CD72: variants seen among roughly 807,000 people sequenced by gnomAD.
CD72 encodes the protein CD72 molecule.
A neutral mutation model predicts 50.7 loss-of-function variants in CD72; 28 were observed. The observed-to-expected ratio is 0.55, with a 90% CI of 0.41 to 0.76. CD72 has a LOEUF of 0.76. Among genes scored for constraint, CD72 ranks in the 30% least tolerant of loss-of-function variants. The probability of loss-of-function intolerance (pLI) is 0.00; values close to 1 mark genes in which losing one functional copy is unlikely to be tolerated. For missense variants in CD72, 403 were observed against 420.6 expected, an observed-to-expected ratio of 0.96 and a Z score of 0.37; for synonymous variants, 176 against 171.2, an observed-to-expected ratio of 1.03 and a Z score of -0.22.
intron 1 of CD72, among the ~76,000 whole-genome samples, chr9:35,628,082 G>A (rs1298309767): frequency 6.6e-6 from 1 of 151,980 alleles, no homozygotes; most frequent in African/African-American, 2.4e-5. Context: ...CAATCCTCCT[G>A]CCTCAGCCTC....
Position 35,618,056 on chromosome 9 carries a change from C to A in CD72, c.148G>T (p.Val50Leu), listed in dbSNP as rs35185125. 0.013 allele frequency: 20,989 copies of A among 1,613,878 alleles called. 163 individuals carry two copies. Among genetic ancestry groups the A allele is most frequent in the Non-Finnish European group, 0.015 (17,199 of 1,179,782 alleles). The part of the protein sequence containing the change: ...ENVQVPAVLG[V>L]PSSLASSVLG... ...ACAGAAGAAGCCAAGCTTGAGGGCACCCCTAGGACTGCGGGCACTTGAACA... is the reference window on the plus strand; with the variant it reads ...ACAGAAGAAGCCAAGCTTGAGGGCAACCCTAGGACTGCGGGCACTTGAACA... The change falls in exon 2 of 9, where the codon GTG (valine) becomes TTG (leucine). Residue 50 changes from valine to leucine, a missense_variant. Physicochemically the swap from Val to Leu is conservative, Grantham distance 32 (BLOSUM62 1). Coordinates refer to ENST00000259633, the MANE Select transcript of CD72 (RefSeq NM_001782.3).
At chr9:35,627,036 C>T (rs1823201811) in intron 1 of CD72, among the ~76,000 whole-genome samples, 1 of 151,976 alleles carries the variant, frequency 6.6e-6, no homozygotes, top group Non-Finnish European at 1.5e-5. Flanking sequence ...GAGGGGATTT[C>T]ACTGTGTTAG....
rs556497447 is a variant in CD72 at position 35,615,581 on chromosome 9, G to A, written c.688+362C>T. On this transcript the variant is annotated intron_variant, in intron 5 of 8. Coordinates refer to ENST00000259633, the MANE Select transcript of CD72 (RefSeq NM_001782.3). ...TATAACGAAAATTAATTAAAAATGA[G>A]GTCCCTGTCTTTAGAAAGATGTGCA... 3.3e-5 allele frequency among the ~76,000 whole-genome samples: 5 copies of A among 151,900 alleles called. 1 individual carries two copies. Among genetic ancestry groups the A allele is most frequent in the Admixed American group, 1.3e-4 (2 of 15,252 alleles).
At chr9:35,621,688 G>A (rs1278612440), upstream of CD72, among the ~76,000 whole-genome samples, 1 of 152,190 alleles carries the variant, frequency 6.6e-6, no homozygotes, top group Non-Finnish European at 1.5e-5. Flanking sequence ...TCCTTGAAAG[G>A]GAGAACCTTT....
chr9:35,620,830 TA>T (rs141938916), upstream of CD72, among the ~76,000 whole-genome samples: 2 of 151,360 alleles, frequency 1.3e-5, no homozygotes, highest in East Asian at 1.9e-4. Flanking sequence ...TAAAAAAAAA[TA>T]AAAAAAAGAA....
intron 5 of CD72, among the ~76,000 whole-genome samples, chr9:35,614,223 CATATT>C (rs1178981995): frequency 6.6e-6 from 1 of 152,138 alleles, no homozygotes; most frequent in Non-Finnish European, 1.5e-5. Flanking sequence ...AGTGCTAGAA[CATATT>C]ATATGTTATG....
At chr9:35,615,833 A>C in intron 5 of CD72, 110 bp downstream of exon 5, 1 of 818,988 alleles carries the variant, frequency 1.2e-6, no homozygotes, top group Non-Finnish European at 1.9e-6. Flanking sequence ...ACTCTGGTTC[A>C]CTGCCCCTTT....
At chr9:35,640,340 AT>A (rs1277215699) in intron 1 of CD72, among the ~76,000 whole-genome samples, 1 of 152,066 alleles carries the variant, frequency 6.6e-6, no homozygotes, top group African/African-American at 2.4e-5. Context: ...AGCTCCCAAG[AT>A]GGTGGTGAGC....
chr9:35,618,374 G>C lies in CD72; in HGVS notation c.-71C>G. On this transcript the variant is annotated 5_prime_UTR_variant, in exon 1 of 9. Transcript: ENST00000259633. ...GTCCTCCCTTGCCCCTCTCGTCTCT[G>C]TCCGTTTACAACTAGGCTCTGTGTT... 1 of 1,601,950 alleles carries C rather than the reference G, an allele frequency of 6.2e-7. No individual in the cohort carries two copies. The highest frequency in any genetic ancestry group is 8.5e-7 in the Non-Finnish European group (1 of 1,174,048).
chr9:35,641,618 T>C (rs567433140), intron 1 of CD72, among the ~76,000 whole-genome samples: 26 of 152,324 alleles, frequency 1.7e-4, no homozygotes, highest in African/African-American at 5.8e-4. Context: ...CTTCTTGAGG[T>C]TCCTCATTCT....
At chr9:35,619,107 T>C (rs1362440337), upstream of CD72, among the ~76,000 whole-genome samples, 2 of 152,216 alleles carry the variant, frequency 1.3e-5, no homozygotes, top group Non-Finnish European at 2.9e-5. Context: ...GGTTTGGTTT[T>C]GGTTCGTCTC....
chr9:35,623,330 TG>T (rs141769979), upstream of CD72, among the ~76,000 whole-genome samples: 2,540 of 152,296 alleles, frequency 0.017, 77 homozygotes, highest in African/African-American at 0.057. Flanking sequence ...ATTGGGAAAC[TG>T]GACTCAGCAG....
chr9:35,621,603 G>A (rs1823147510), upstream of CD72, among the ~76,000 whole-genome samples: 1 of 152,218 alleles, frequency 6.6e-6, no homozygotes, highest in Non-Finnish European at 1.5e-5. Flanking sequence ...TGTAGATGTG[G>A]CTATGTTAAT....
chr9:35,618,893 G>T, upstream of CD72: 1 of 533,972 alleles, frequency 1.9e-6, no homozygotes. Flanking sequence ...GTAAGGAAGA[G>T]CCATGGCTGC....
At chr9:35,617,706 T>G (rs1396111637) in intron 2 of CD72, among the ~76,000 whole-genome samples, 2 of 152,110 alleles carry the variant, frequency 1.3e-5, no homozygotes, top group Non-Finnish European at 2.9e-5. Flanking sequence ...CTCCCATTTA[T>G]CCTGTTCCTA....
intron 1 of CD72, among the ~76,000 whole-genome samples, chr9:35,645,456 C>A (rs147029639): frequency 0.024 from 3,579 of 152,042 alleles, 54 homozygotes; most frequent in Admixed American, 0.032. Context: ...GTGGTGCACA[C>A]CTGTAGTCCC....
At chr9:35,618,541 G>A (rs1462839699), upstream of CD72, 16 of 946,876 alleles carry the variant, frequency 1.7e-5, 1 homozygote, top group Middle Eastern at 1.1e-3. Context: ...CGGAGGGGAC[G>A]CTGAGGTCCA....
intron 5 of CD72, 58 bp from the exon 6 acceptor site, chr9:35,613,051 C>A: frequency 7.0e-7 from 1 of 1,420,044 alleles, no homozygotes; most frequent in Non-Finnish European, 9.7e-7. Flanking sequence ...GACTACTCAG[C>A]AATCTTTTGC....
Position 35,618,034 on chromosome 9 carries a change from G to A in CD72, c.170C>T (p.Ser57Phe). 6.2e-7 allele frequency: 1 copy of A among 1,612,400 alleles called. No individual in the cohort carries two copies. ...VLGVPSSLAS[S>F]VLGDKAAVKS... ...CAGACCTGCTTTGTCCCCTAGTACAGAAGAAGCCAAGCTTGAGGGCACCCC... is the reference window on the plus strand; with the variant it reads ...CAGACCTGCTTTGTCCCCTAGTACAAAAGAAGCCAAGCTTGAGGGCACCCC... Residue 57 changes from serine to phenylalanine, a missense_variant, in exon 2 of 9, where the codon TCT becomes TTT. Ser to Phe is a radical substitution (Grantham distance 155). Transcript: ENST00000259633.
Sources: allele counts gnomAD v4.1 joint callset (sites outside exome capture counted in the v4.1 genomes callset), GRCh38; gene constraint gnomAD v4.1.1; transcripts MANE v1.5; gene names NCBI Gene and HGNC (gene_info 2026-07-23, HGNC 2026-07-21).